MYH1: variants seen among roughly 807,000 people sequenced by gnomAD.
MYH1 encodes the protein myosin heavy chain 1, also known as myosin-1.
A neutral mutation model predicts 225.6 loss-of-function variants in MYH1; 214 were observed. That is an observed-to-expected ratio of 0.95 (90% confidence interval 0.85 to 1.06). MYH1 has a LOEUF of 1.06. MYH1 is among the 50% of genes least tolerant of loss of function. The probability of loss-of-function intolerance (pLI) is 0.00; values close to 1 mark genes in which losing one functional copy is unlikely to be tolerated. For synonymous variants in MYH1, 774 were observed against 842.3 expected (o/e 0.92, Z 1.40); for missense variants, 2,098 against 2,344.2 (o/e 0.89, Z 2.17).
chr17:10,509,840 C>G (rs1226642230), intron 14 of MYH1, among the ~76,000 whole-genome samples, 185 bp from the exon 15 acceptor site: 1 of 152,096 alleles, frequency 6.6e-6, no homozygotes, highest in African/African-American at 2.4e-5. Flanking sequence ...CAACACCTGT[C>G]AACAAGCTCT....
At position 10,513,764 on chromosome 17, in the gene MYH1, C is replaced by T. The variant is rs2073196111; in HGVS notation, c.741+57G>A. The T allele has an allele frequency of 5.6e-6, 9 of 1,612,812 alleles. No homozygotes were observed. The South Asian group carries it at 8.8e-5, about 16-fold the overall frequency. On this transcript the variant is annotated intron_variant, in intron 8 of 39. Transcript: ENST00000226207. ...GGGGATGCCACTGAAATAATTCAGA[C>T]ATGCTTTCTCTGGCATCTAAAGGCA... is the stretch of plus-strand genomic sequence containing the variant.
In MYH1 at chr17:10,498,790, G is replaced by A. The variant is rs2073022606; in HGVS notation, c.4017C>T (p.Ser1339=). The A allele has an allele frequency of 6.2e-7, 1 of 1,614,074 alleles. No individual in the cohort carries two copies. Among genetic ancestry groups the A allele is most frequent in the Non-Finnish European group, 8.5e-7 (1 of 1,180,034 alleles). ...GCAGCAGGTCACAGTCATGGCGGGA[G>A]GACTGCAGGGCATGTGCCAGGGCAC... ...AKSALAHALQ[S]SRHDCDLLRE... The change falls in exon 30 of 40, where the codon TCC becomes TCT. Residue 1339 remains serine, a synonymous_variant. Transcript: ENST00000226207.
chr17:10,505,904 C>A lies in MYH1; in HGVS notation c.2082G>T (p.Leu694=). ...TPGAMEHELV[L]HQLRCNGVLE... ...GCACACCGTTACACCTCAGCTGATG[C>A]AGGACAAGCTCATGCTCCATGGCAC... The change falls in exon 19 of 40, where the codon CTG becomes CTT. Residue 694 remains leucine, a synonymous_variant. Transcript: ENST00000226207. The A allele has an allele frequency of 1.2e-6, 2 of 1,614,156 alleles. No individual in the cohort carries two copies. Among genetic ancestry groups the A allele is most frequent in the Non-Finnish European group, 1.7e-6 (2 of 1,180,008 alleles).
Position 10,501,277 on chromosome 17 carries a change from C to G in MYH1, c.3571G>C (p.Ala1191Pro). The G allele has an allele frequency of 6.2e-7, 1 of 1,614,208 alleles. No homozygotes were observed. Reference protein sequence around the residue: ...DLEEATLQHEATAATLRKKHA... With the variant: ...DLEEATLQHEPTAATLRKKHA... Reference sequence around the variant, plus strand: ...TTCTTCCTCAGGGTGGCCGCCGTGGCTTCATGCTGTAGGGTGGCCTCCTCC... The same window carrying G: ...TTCTTCCTCAGGGTGGCCGCCGTGGGTTCATGCTGTAGGGTGGCCTCCTCC... The change falls in exon 27 of 40, where the codon GCC (alanine) becomes CCC (proline). Residue 1191 changes from alanine (A) to proline (P), a missense_variant. Coordinates refer to ENST00000226207, the MANE Select transcript of MYH1 (RefSeq NM_005963.4).
chr17:10,513,714 A>G, intron 8 of MYH1, 25 bp from the exon 9 acceptor site: 1 of 1,613,650 alleles, frequency 6.2e-7, no homozygotes, highest in Non-Finnish European at 8.5e-7. Context: ...AAATGATGTT[A>G]TACCCAAAGC....
intron 39 of MYH1, among the ~76,000 whole-genome samples, chr17:10,493,943 A>G (rs766021874): frequency 2.6e-5 from 4 of 152,176 alleles, no homozygotes; most frequent in Non-Finnish European, 2.9e-5. Flanking sequence ...GATTCTTTAC[A>G]TAGTATCCCA....
Position 10,496,235 on chromosome 17 carries a change from A to G in MYH1, c.4965+6T>C. ...TGTCCTGGGATCATCTGTTGGACAT[A>G]TTTACCTTGAGGATGGCTTGGGTGT... is the stretch of plus-strand genomic sequence containing the variant. On this transcript the variant is annotated splice_donor_region_variant and intron_variant, in intron 34 of 39. Coordinates refer to ENST00000226207, the MANE Select transcript of MYH1 (RefSeq NM_005963.4). 2.5e-6 allele frequency: 4 copies of G among 1,614,100 alleles called. No homozygotes were observed. The highest frequency in any genetic ancestry group is 3.4e-6 in the Non-Finnish European group (4 of 1,180,022).
At chr17:10,506,430 G>C (rs2073113196) in intron 17 of MYH1, among the ~76,000 whole-genome samples, 1 of 151,572 alleles carries the variant, frequency 6.6e-6, no homozygotes, top group African/African-American at 2.4e-5. Context: ...TACATGGTCT[G>C]ATTTTACTAC....
chr17:10,509,686 C>G (rs766246174), intron 14 of MYH1, 31 bp from the exon 15 acceptor site: 3 of 1,614,144 alleles, frequency 1.9e-6, no homozygotes, highest in Admixed American at 1.7e-5. Flanking sequence ...AATTAGCATT[C>G]AATTTATAAT....
intron 22 of MYH1, 53 bp from the exon 23 acceptor site, chr17:10,503,301 C>A: frequency 6.3e-7 from 1 of 1,586,504 alleles, no homozygotes; most frequent in Non-Finnish European, 8.5e-7. Flanking sequence ...TAGACATTTT[C>A]AGATTTTATT....
chr17:10,506,209 A>G (rs1213594961), intron 17 of MYH1, 110 bp from the exon 18 acceptor site: 2 of 1,366,908 alleles, frequency 1.5e-6, no homozygotes, highest in Non-Finnish European at 2.0e-6. Context: ...AATGAATAGT[A>G]TCCAGATGAA....
intron 28 of MYH1, among the ~76,000 whole-genome samples, chr17:10,500,073 C>T (rs554620425): frequency 2.0e-5 from 3 of 152,176 alleles, no homozygotes; most frequent in South Asian, 2.1e-4. Context: ...CCTACTTAAC[C>T]GTGTTAGTTA....
intron 33 of MYH1, 143 bp from the exon 34 acceptor site, chr17:10,496,692 A>T (rs2072998591): frequency 7.6e-7 from 1 of 1,312,540 alleles, no homozygotes. Context: ...TGTCATTTTC[A>T]TGCCTTTGCA....
At chr17:10,503,808 A>G (rs2073081447) in intron 22 of MYH1, among the ~76,000 whole-genome samples, 1 of 152,230 alleles carries the variant, frequency 6.6e-6, no homozygotes. Flanking sequence ...GACTTCACCC[A>G]ATATTTATTA....
In MYH1 at chr17:10,516,441, C is replaced by G; in HGVS notation, c.202G>C (p.Ala68Pro). 1 of 1,614,220 alleles carries G rather than the reference C, an allele frequency of 6.2e-7. No individual in the cohort carries two copies. Among genetic ancestry groups the G allele is most frequent in the Non-Finnish European group, 8.5e-7 (1 of 1,180,044 alleles). Residue 68 changes from alanine to proline, a missense_variant and splice_region_variant, in exon 3 of 40, where the codon GCT (alanine) becomes CCT (proline). Ala to Pro is a conservative substitution (Grantham distance 27). Coordinates refer to ENST00000226207, the MANE Select transcript of MYH1 (RefSeq NM_005963.4). ...CAGCTCCAGGTGTTTTTACTCACAG[C>G]TCCAGCTTCGGTCTTAGCTGTCACC... is the stretch of plus-strand genomic sequence containing the variant. ...GKVTAKTEAG[A>P]TVTVKDDQVF...
intron 5 of MYH1, 116 bp downstream of exon 5, chr17:10,515,810 T>C: frequency 6.5e-7 from 1 of 1,548,786 alleles, no homozygotes; most frequent in Non-Finnish European, 8.8e-7. Flanking sequence ...TAGTCACCTC[T>C]GCTGAACAAC....
chr17:10,514,202 A>C, intron 6 of MYH1, 78 bp from the exon 7 acceptor site: 5 of 1,515,244 alleles, frequency 3.3e-6, no homozygotes, highest in African/African-American at 1.4e-5. Context: ...TTGTCTTTAT[A>C]TCTCTATTAG....
intron 17 of MYH1, among the ~76,000 whole-genome samples, chr17:10,507,150 G>A (rs941412034): frequency 1.3e-5 from 2 of 151,990 alleles, no homozygotes; most frequent in East Asian, 1.9e-4. Flanking sequence ...GGCAACCTCT[G>A]CCTCCTGGGT....
intron 39 of MYH1, among the ~76,000 whole-genome samples, chr17:10,493,066 T>A (rs1025367170): frequency 6.6e-6 from 1 of 152,204 alleles, no homozygotes; most frequent in African/African-American, 2.4e-5. Context: ...CTTAAATATA[T>A]AGCAGAGAAT....
Sources: allele counts gnomAD v4.1 joint callset (sites outside exome capture counted in the v4.1 genomes callset), GRCh38; gene constraint gnomAD v4.1.1; transcripts MANE v1.5; gene names NCBI Gene and HGNC (gene_info 2026-07-23, HGNC 2026-07-21).